The following GNL1 variants were observed in gnomAD, a reference collection of about 807,000 sequenced individuals.
GNL1 encodes guanine nucleotide-binding protein-like 1.
GNL1 carries 21 observed loss-of-function variants against 75.2 expected under a neutral mutation model. That is an observed-to-expected ratio of 0.28 (90% CI 0.20 to 0.40). The LOEUF is 0.40. Ranked by LOEUF, GNL1 falls within the 10% of genes least tolerant of loss-of-function variation. The pLI, the probability that GNL1 is intolerant of heterozygous loss-of-function variation, is 1.00. For missense variants in GNL1, 579 were observed against 775.0 expected, an observed-to-expected ratio of 0.75 and a Z score of 3.00; for synonymous variants, 287 against 303.4, an observed-to-expected ratio of 0.95 and a Z score of 0.56.
rs1242848775 is a variant in GNL1 at position 30,555,087 on chromosome 6, A to T, written c.344T>A (p.Leu115Gln). ...LQPVSAELLELDIREVYQPGS... is the reference protein window; with the variant it reads ...LQPVSAELLEQDIREVYQPGS... ...AGGCTGATACACCTCCCGGATGTCC[A>T]GCTCCAACAACTCAGCACTGACCGG... Residue 115 changes from leucine to glutamine, a missense_variant, in exon 3 of 12, where the codon CTG (leucine) becomes CAG (glutamine). Transcript: ENST00000376621. This position sits in a 1 kb window ranked among gnomAD's most constrained non-coding sequence, Gnocchi z 4.3. The T allele has an allele frequency of 6.2e-7, 1 of 1,612,716 alleles. No homozygotes were observed. Among genetic ancestry groups the T allele is most frequent in the East Asian group, 2.2e-5 (1 of 44,872 alleles).
Position 30,545,101 on chromosome 6 carries a change from C to T in GNL1, c.*971G>A, listed in dbSNP as rs1421134847. Reference sequence around the variant, plus strand: ...CCACCTGCTAGGTTCTAGCTCAGACCCTGCACTGGATCATCTTTGTTCCAC... The same window carrying T: ...CCACCTGCTAGGTTCTAGCTCAGACTCTGCACTGGATCATCTTTGTTCCAC... On this transcript the variant is annotated 3_prime_UTR_variant, in exon 12 of 12. Coordinates refer to ENST00000376621, the MANE Select transcript of GNL1 (RefSeq NM_005275.5). The T allele has an allele frequency of 2.6e-5, 4 of 152,138 alleles. No homozygotes were observed. Among genetic ancestry groups the T allele is most frequent in the African/African-American group, 9.7e-5 (4 of 41,390 alleles). The allele number at this position is 152,138 out of a possible 1,614,324, so 9.4% of individuals were successfully genotyped here.
chr6:30,552,502 C>T lies in GNL1; in HGVS notation c.1064G>A (p.Arg355His), dbSNP rs762642839. 21 of 1,613,864 alleles carry T rather than the reference C, an allele frequency of 1.3e-5. No individual in the cohort carries two copies. Among genetic ancestry groups the T allele is most frequent in the East Asian group, 8.9e-5 (4 of 44,884 alleles). Residue 355 changes from arginine to histidine, a missense_variant, in exon 8 of 12, where the codon CGC becomes CAC. Physicochemically the swap from Arg to His is conservative, Grantham distance 29. Transcript: ENST00000376621. The surrounding 1 kb of genome is among the most constrained non-coding windows in gnomAD (Gnocchi z 4.5). ...AMEPTGPTQERYKDGVVTIGC... is the reference protein window; with the variant it reads ...AMEPTGPTQEHYKDGVVTIGC... ...GATGGTCACCACCCCATCCTTGTAG[C>T]GCTCTTGGGTTGGGCCAGTTGGCTC... is the stretch of plus-strand genomic sequence containing the variant.
Position 30,555,427 on chromosome 6 carries a change from C to T in GNL1, c.239+128G>A, listed in dbSNP as rs891065972. 13 of 1,039,442 alleles carry T rather than the reference C, an allele frequency of 1.3e-5. No individual in the cohort carries two copies. In the East Asian group the frequency reaches 3.1e-4, roughly 25 times the overall value. 64.4% of individuals were successfully genotyped at this position (1,039,442 alleles called of 1,614,324 possible). On this transcript the variant is annotated intron_variant, in intron 2 of 11. Transcript: ENST00000376621. This position sits in a 1 kb window ranked among gnomAD's most constrained non-coding sequence, Gnocchi z 4.3. ...AAGACTGTGGCCCGCTGTGGGGAGCCGAGTGGCTAGCGGAGAACTGTGGCA... is the reference window on the plus strand; with the variant it reads ...AAGACTGTGGCCCGCTGTGGGGAGCTGAGTGGCTAGCGGAGAACTGTGGCA...
In GNL1 at chr6:30,552,323, T is replaced by C. The variant is rs1362718043; in HGVS notation, c.1099+144A>G. On this transcript the variant is annotated intron_variant, in intron 8 of 11. Transcript: ENST00000376621. The surrounding 1 kb of genome is among the most constrained non-coding windows in gnomAD (Gnocchi z 4.5). ...ATCCTTCCACTGCAGCAGACGCCTC[T>C]TCTGCCTTGCCCACCGCCACTGGCA... The C allele has an allele frequency of 1.6e-6, 1 of 625,136 alleles. No homozygotes were observed. The highest frequency in any genetic ancestry group is 2.8e-6 in the Non-Finnish European group (1 of 357,260). 38.7% of individuals were successfully genotyped at this position (625,136 alleles called of 1,614,324 possible).
chr6:30,547,812 A>G lies in GNL1; in HGVS notation c.1100-282T>C, dbSNP rs887412581. 2 of 492,064 alleles carry G rather than the reference A, an allele frequency of 4.1e-6. No individual in the cohort carries two copies. Among genetic ancestry groups the G allele is most frequent in the African/African-American group, 4.0e-5 (2 of 49,388 alleles). 30.5% of individuals were successfully genotyped at this position (492,064 alleles called of 1,614,324 possible). A position where few individuals can be genotyped will look rare whatever the true frequency, so the allele number is the denominator to read the frequency against. On this transcript the variant is annotated intron_variant, in intron 8 of 11. Transcript: ENST00000376621. The surrounding 1 kb of genome is among the most constrained non-coding windows in gnomAD (Gnocchi z 5.5). ...CAGGATTAAATGAGATAACCAATACAACTTGTGTGGGTCAGTGCCTGCAGT... is the reference window on the plus strand; with the variant it reads ...CAGGATTAAATGAGATAACCAATACGACTTGTGTGGGTCAGTGCCTGCAGT...
rs1562716500 is a variant in GNL1, at chr6:30,555,479, GC to G, written c.239+75del. On this transcript the variant is annotated intron_variant, in intron 2 of 11. Coordinates refer to ENST00000376621, the MANE Select transcript of GNL1 (RefSeq NM_005275.5). This position sits in a 1 kb window ranked among gnomAD's most constrained non-coding sequence, Gnocchi z 4.3. The stretch of plus-strand genomic sequence containing the variant: ...CCCAGGCCCACCGTCTTCACCAGTA[GC>G]AGCCCGCTTTCCCCCAAAGCTCTGA... 2.4e-5 allele frequency: 34 copies of G among 1,420,126 alleles called. No homozygotes were observed. The highest frequency in any genetic ancestry group is 3.2e-5 in the Non-Finnish European group (33 of 1,029,722). The allele number at this position is 1,420,126 out of a possible 1,614,324, so 88.0% of individuals were successfully genotyped here.
At chr6:30,549,118 C>G (rs1799618141) in intron 8 of GNL1, among the ~76,000 whole-genome samples, 1 of 152,128 alleles carries the variant, frequency 6.6e-6, no homozygotes, top group Non-Finnish European at 1.5e-5. Flanking sequence ...GTGCCTCAAC[C>G]TCCTGAGTAG....
intron 8 of GNL1, among the ~76,000 whole-genome samples, chr6:30,549,313 T>C (rs988975949): frequency 6.6e-6 from 1 of 152,180 alleles, no homozygotes; most frequent in African/African-American, 2.4e-5. Flanking sequence ...TCATCCTTCT[T>C]GATCATAATC....
rs527642816 is a variant in GNL1 at position 30,545,137 on chromosome 6, G to C, written c.*935C>G. ...TCATCTTTGTTCCACCCCCAAACCA[G>C]AGTAAATGGAATTCAGGAGGCTGGT... On this transcript the variant is annotated 3_prime_UTR_variant, in exon 12 of 12. Coordinates refer to ENST00000376621, the MANE Select transcript of GNL1 (RefSeq NM_005275.5). The C allele has an allele frequency of 1.3e-5, 2 of 152,248 alleles. No homozygotes were observed. Among genetic ancestry groups the C allele is most frequent in the Admixed American group, 1.3e-4 (2 of 15,272 alleles). The allele number at this position is 152,248 out of a possible 1,614,324, so 9.4% of individuals were successfully genotyped here. A position where few individuals can be genotyped will look rare whatever the true frequency, so the allele number is the denominator to read the frequency against.
chr6:30,552,391 C>T lies in GNL1; in HGVS notation c.1099+76G>A, dbSNP rs1452780853. Reference sequence around the variant, plus strand: ...ACCCTGGGGCCTAATGAGACCTGATCGCCCTCTCTCTTCTCCGAATATGAA... The same window carrying T: ...ACCCTGGGGCCTAATGAGACCTGATTGCCCTCTCTCTTCTCCGAATATGAA... On this transcript the variant is annotated intron_variant, in intron 8 of 11. Transcript: ENST00000376621. The surrounding 1 kb of genome is among the most constrained non-coding windows in gnomAD (Gnocchi z 4.5). The T allele has an allele frequency of 7.9e-6, 10 of 1,267,744 alleles. No individual in the cohort carries two copies. The highest frequency in any genetic ancestry group is 2.3e-5 in the East Asian group (1 of 42,936). 78.5% of individuals were successfully genotyped at this position (1,267,744 alleles called of 1,614,324 possible).
chr6:30,546,489 T>C lies in GNL1; in HGVS notation c.1583-176A>G, dbSNP rs1453726360. On this transcript the variant is annotated intron_variant, in intron 11 of 11. Coordinates refer to ENST00000376621, the MANE Select transcript of GNL1 (RefSeq NM_005275.5). This position sits in a 1 kb window ranked among gnomAD's most constrained non-coding sequence, Gnocchi z 5.1. ...TGCAGATTGCTGAACAGAACCTTTG[T>C]GCACATCAACTTCAATCTTTACAAT... 4 of 668,660 alleles carry C rather than the reference T, an allele frequency of 6.0e-6. No homozygotes were observed. The highest frequency in any genetic ancestry group is 1.8e-5 in the African/African-American group (1 of 54,774). 41.4% of individuals were successfully genotyped at this position (668,660 alleles called of 1,614,324 possible).
chr6:30,551,704 TTAC>T (rs1390067609), intron 8 of GNL1, among the ~76,000 whole-genome samples: 5 of 152,190 alleles, frequency 3.3e-5, no homozygotes, highest in Admixed American at 1.3e-4. Context: ...TACAGACTAA[TTAC>T]TACAATTCAA....
intron 5 of GNL1, among the ~76,000 whole-genome samples, chr6:30,553,802 G>GA (rs1320519352): frequency 6.6e-6 from 1 of 152,194 alleles, no homozygotes; most frequent in Non-Finnish European, 1.5e-5. Context: ...ACAAGACAAG[G>GA]AAACAGCATC....
At chr6:30,549,825 CTTTTTT>C (rs535787672) in intron 8 of GNL1, among the ~76,000 whole-genome samples, 1 of 129,450 alleles carries the variant, frequency 7.7e-6, no homozygotes, top group Non-Finnish European at 1.6e-5. Flanking sequence ...AATTCCATGG[CTTTTTT>C]TTTTTTTTTT....
In GNL1 at chr6:30,546,093, C is replaced by T; in HGVS notation, c.1803G>A (p.Leu601=). 1.9e-6 allele frequency: 3 copies of T among 1,587,814 alleles called. No homozygotes were observed. The highest frequency in any genetic ancestry group is 2.6e-6 in the Non-Finnish European group (3 of 1,167,728). ...SSLAGRNPYA[L]LGEDEC The stretch of plus-strand genomic sequence containing the variant: ...GAACTCAGCACTCATCCTCACCCAG[C>T]AGGGCATAAGGGTTTCGGCCAGCCA... Residue 601 remains leucine, a synonymous_variant, in exon 12 of 12, where the codon CTG becomes CTA. Transcript: ENST00000376621. This position sits in a 1 kb window ranked among gnomAD's most constrained non-coding sequence, Gnocchi z 5.1.
At chr6:30,553,986 T>C (rs1251045760) in intron 5 of GNL1, among the ~76,000 whole-genome samples, 1 of 152,250 alleles carries the variant, frequency 6.6e-6, no homozygotes, top group African/African-American at 2.4e-5. Flanking sequence ...ACTGTGAACA[T>C]GTGTGCAAAC....
Position 30,546,752 on chromosome 6 carries a change from G to A in GNL1, c.1526C>T (p.Ala509Val), listed in dbSNP as rs145831378. The A allele has an allele frequency of 2.7e-3, 4,375 of 1,609,578 alleles. 12 individuals are homozygous for A. Among genetic ancestry groups the A allele is most frequent in the Middle Eastern group, 8.1e-3 (49 of 6,048 alleles). ...YRAANSLLRL[A>V]VDGRLSLCFH... is the part of the protein sequence containing the mutation. ...ACACAGGCTGAGGCGGCCGTCCACT[G>A]CCAGCCGCAAGAGACTGTTGGCTGC... The change falls in exon 11 of 12, where the codon GCA (alanine) becomes GTA (valine). Residue 509 changes from alanine to valine, a missense_variant. Physicochemically the swap from Ala to Val is moderately conservative, Grantham distance 64 (BLOSUM62 0). Coordinates refer to ENST00000376621, the MANE Select transcript of GNL1 (RefSeq NM_005275.5). This position sits in a 1 kb window ranked among gnomAD's most constrained non-coding sequence, Gnocchi z 5.1.
Position 30,556,312 on chromosome 6 carries a change from G to A in GNL1, c.-109C>T, listed in dbSNP as rs1475797158. ...GGGCCCGGGACCCTAGAGGAGGCGG[G>A]GCTAGCAGGTGACGTCAGCGGGCGG... is the stretch of plus-strand genomic sequence containing the variant. On this transcript the variant is annotated 5_prime_UTR_variant, in exon 1 of 12. Coordinates refer to ENST00000376621, the MANE Select transcript of GNL1 (RefSeq NM_005275.5). The surrounding 1 kb of genome is among the most constrained non-coding windows in gnomAD (Gnocchi z 5.7). 7.7e-7 allele frequency: 1 copy of A among 1,292,062 alleles called. No homozygotes were observed. Among genetic ancestry groups the A allele is most frequent in the Non-Finnish European group, 1.1e-6 (1 of 919,066 alleles). 80.0% of individuals were successfully genotyped at this position (1,292,062 alleles called of 1,614,324 possible).
rs1799207455 is a variant in GNL1 at position 30,542,203 on chromosome 6, C to T, written c.*3869G>A. 6.6e-6 allele frequency: 1 copy of T among 152,182 alleles called. No individual in the cohort carries two copies. Among genetic ancestry groups the T allele is most frequent in the African/African-American group, 2.4e-5 (1 of 41,340 alleles). The allele number at this position is 152,182 out of a possible 1,614,324, so 9.4% of individuals were successfully genotyped here. A position where few individuals can be genotyped will look rare whatever the true frequency, so the allele number is the denominator to read the frequency against. Reference sequence around the variant, plus strand: ...TTCCACCTCTCCAAAGAAATGCTCCCACCAAGACCATGGAGGCCCCTCTCG... The same window carrying T: ...TTCCACCTCTCCAAAGAAATGCTCCTACCAAGACCATGGAGGCCCCTCTCG... On this transcript the variant is annotated 3_prime_UTR_variant, in exon 12 of 12. Coordinates refer to ENST00000376621, the MANE Select transcript of GNL1 (RefSeq NM_005275.5). The surrounding 1 kb of genome is among the most constrained non-coding windows in gnomAD (Gnocchi z 4.5).
Sources: allele counts gnomAD v4.1 joint callset (sites outside exome capture counted in the v4.1 genomes callset), GRCh38; gene constraint gnomAD v4.1.1; non-coding constraint Gnocchi (gnomAD v3.1); transcripts MANE v1.5; gene names NCBI Gene and HGNC (gene_info 2026-07-23, HGNC 2026-07-21).